The following PREX2 variants were observed in gnomAD, a reference collection of about 807,000 sequenced individuals.
PREX2 encodes phosphatidylinositol 3,4,5-trisphosphate-dependent Rac exchanger 2 protein.
PREX2 carries 107 observed loss-of-function variants against 203.2 expected under a neutral mutation model. That is an observed-to-expected ratio of 0.53 (90% CI 0.45 to 0.62). The LOEUF (loss-of-function observed/expected upper bound fraction) is 0.62, where lower values mean the gene tolerates loss of function less well. PREX2 is among the 20% of genes least tolerant of loss of function. The pLI, the probability that PREX2 is intolerant of heterozygous loss-of-function variation, is 0.00. For synonymous variants in PREX2, 672 were observed against 663.6 expected (o/e 1.01, Z -0.19); for missense variants, 1,777 against 1,955.9 (o/e 0.91, Z 1.72).
chr8:68,182,260 T>A (rs1045930237), intron 35 of PREX2, among the ~76,000 whole-genome samples: 5 of 152,164 alleles, frequency 3.3e-5, no homozygotes, highest in African/African-American at 9.6e-5. Context: ...AGAATTTTGC[T>A]GTGTCATTTC....
intron 22 of PREX2, among the ~76,000 whole-genome samples, chr8:68,098,184 G>GT (rs1044444206): frequency 8.5e-5 from 13 of 152,102 alleles, no homozygotes; most frequent in Admixed American, 5.9e-4. Flanking sequence ...TGGATTTAGT[G>GT]TTTCATACTG....
intron 30 of PREX2, among the ~76,000 whole-genome samples, chr8:68,123,109 A>C (rs902519462): frequency 5.3e-5 from 8 of 152,066 alleles, no homozygotes; most frequent in Non-Finnish European, 4.4e-5. Flanking sequence ...GGGTTGTTGA[A>C]GTCTCCAACT....
intron 35 of PREX2, among the ~76,000 whole-genome samples, chr8:68,180,129 G>A (rs1812056945): frequency 6.6e-6 from 1 of 151,820 alleles, no homozygotes; most frequent in African/African-American, 2.4e-5. Flanking sequence ...CCTCTTTTCA[G>A]GGAATTAAAT....
At chr8:67,998,402 G>T (rs1034818289) in intron 1 of PREX2, among the ~76,000 whole-genome samples, 1 of 152,208 alleles carries the variant, frequency 6.6e-6, no homozygotes, top group African/African-American at 2.4e-5. Flanking sequence ...CTTGGTGAAG[G>T]CTTACTGGCT....
At chr8:67,971,109 T>C (rs1563476779) in intron 1 of PREX2, among the ~76,000 whole-genome samples, 2 of 152,078 alleles carry the variant, frequency 1.3e-5, no homozygotes, top group Non-Finnish European at 2.9e-5. Flanking sequence ...TGGGGCCAGA[T>C]GGTGAATAAC....
intron 38 of PREX2, among the ~76,000 whole-genome samples, chr8:68,218,398 A>C (rs1812887216): frequency 6.6e-6 from 1 of 152,208 alleles, no homozygotes; most frequent in African/African-American, 2.4e-5. Flanking sequence ...TACTAATTAC[A>C]AAAATGTGCT....
At chr8:68,059,792 G>C (rs918855321) in intron 10 of PREX2, among the ~76,000 whole-genome samples, 1 of 152,134 alleles carries the variant, frequency 6.6e-6, no homozygotes, top group Non-Finnish European at 1.5e-5. Flanking sequence ...TCCTCATTGA[G>C]GCTGCAAGAA....
In PREX2 at chr8:68,038,178, C is replaced by G. The variant is rs746201622; in HGVS notation, c.725C>G (p.Thr242Ser). 1 of 1,613,714 alleles carries G rather than the reference C, an allele frequency of 6.2e-7. No homozygotes were observed. The highest frequency in any genetic ancestry group is 8.5e-7 in the Non-Finnish European group (1 of 1,179,700). ...EGWEGSNITDTCTEMLMCGVL... is the reference protein window; with the variant it reads ...EGWEGSNITDSCTEMLMCGVL... The stretch of plus-strand genomic sequence containing the variant: ...ACTTAGGGGTCCAACATCACTGACA[C>G]CTGCACTGAAATGCTAATGTGTGGA... The change falls in exon 7 of 40, where the codon ACC becomes AGC. Residue 242 changes from threonine (T) to serine (S), a missense_variant. Physicochemically the swap from Thr to Ser is moderately conservative, Grantham distance 58. Coordinates refer to ENST00000288368, the MANE Select transcript of PREX2 (RefSeq NM_024870.4).
intron 25 of PREX2, among the ~76,000 whole-genome samples, chr8:68,110,681 C>T (rs1338112096): frequency 6.6e-6 from 1 of 152,146 alleles, no homozygotes; most frequent in East Asian, 1.9e-4. Flanking sequence ...AGAACTTATT[C>T]CAAGCCTTTG....
chr8:68,139,908 A>T (rs1260744186), intron 33 of PREX2, among the ~76,000 whole-genome samples: 1 of 152,154 alleles, frequency 6.6e-6, no homozygotes, highest in Non-Finnish European at 1.5e-5. Context: ...ATAGAATAGG[A>T]TATATTTTCA....
chr8:68,213,185 A>G (rs1231713812), intron 37 of PREX2, among the ~76,000 whole-genome samples: 1 of 152,200 alleles, frequency 6.6e-6, no homozygotes, highest in African/African-American at 2.4e-5. Context: ...CTGCATCCCA[A>G]CTCAACTTTC....
At chr8:68,053,317 A>G in intron 9 of PREX2, 71 bp downstream of exon 9, 1 of 1,496,366 alleles carries the variant, frequency 6.7e-7, no homozygotes, top group Non-Finnish European at 9.2e-7. Flanking sequence ...GATAATGGGA[A>G]AACATGAGAA....
intron 4 of PREX2, 123 bp from the exon 5 acceptor site, chr8:68,027,099 C>A: frequency 1.4e-6 from 1 of 710,750 alleles, no homozygotes. Context: ...ATATGCTCTT[C>A]TTAGAGAAAG....
chr8:68,028,314 A>G (rs1375134335), intron 5 of PREX2, among the ~76,000 whole-genome samples: 1 of 151,850 alleles, frequency 6.6e-6, no homozygotes, highest in African/African-American at 2.4e-5. Flanking sequence ...TCTGTGCTTT[A>G]TAAGTATTAG....
At position 68,191,345 on chromosome 8, in the gene PREX2, A is replaced by G. The variant is rs549844881; in HGVS notation, c.4347-377A>G. ...TGTATTTCTTCAACTTTTTAATAAT[A>G]TTGATCATTATAAATATTAATAAGC... On this transcript the variant is annotated intron_variant, in intron 35 of 39. Coordinates refer to ENST00000288368, the MANE Select transcript of PREX2 (RefSeq NM_024870.4). Among the ~76,000 whole-genome samples, 34 of 152,342 alleles carry G rather than the reference A, an allele frequency of 2.2e-4. 1 individual carries two copies. Among genetic ancestry groups the G allele is most frequent in the African/African-American group, 7.9e-4 (33 of 41,592 alleles).
At chr8:68,206,871 C>T (rs371721824) in intron 37 of PREX2, among the ~76,000 whole-genome samples, 326 of 151,982 alleles carry the variant, frequency 2.1e-3, no homozygotes, top group Middle Eastern at 0.014. Flanking sequence ...GCCAGACAGC[C>T]GTAGTATGTA....
chr8:68,098,638 G>A (rs1810161235), intron 22 of PREX2, among the ~76,000 whole-genome samples: 1 of 151,884 alleles, frequency 6.6e-6, no homozygotes, highest in Non-Finnish European at 1.5e-5. Context: ...ATATATGACA[G>A]CATATGAACT....
At chr8:68,204,631 T>A (rs1382656868) in intron 37 of PREX2, among the ~76,000 whole-genome samples, 1 of 151,948 alleles carries the variant, frequency 6.6e-6, no homozygotes, top group East Asian at 1.9e-4. Context: ...CAGGGCTACT[T>A]TCTGCCTGCT....
rs1807944468 is a variant in PREX2 at position 68,033,500 on chromosome 8, C to T, written c.705+2842C>T. 3.3e-5 allele frequency among the ~76,000 whole-genome samples: 5 copies of T among 152,042 alleles called. No homozygotes were observed. In the South Asian group the frequency reaches 1.0e-3, roughly 32 times the overall value. ...GTACTTAGGGTTATATGGTTCTAAG[C>T]AACAGAAACTAAAAGAAAAATTAGT... is the stretch of plus-strand genomic sequence containing the variant. On this transcript the variant is annotated intron_variant, in intron 6 of 39. Transcript: ENST00000288368.
Sources: allele counts gnomAD v4.1 joint callset (sites outside exome capture counted in the v4.1 genomes callset), GRCh38; gene constraint gnomAD v4.1.1; transcripts MANE v1.5; gene names NCBI Gene and HGNC (gene_info 2026-07-23, HGNC 2026-07-21).